Variants in OVOL1 observed in about 807,000 individuals in gnomAD.
OVOL1 encodes putative transcription factor Ovo-like 1.
A neutral mutation model predicts 21.5 loss-of-function variants in OVOL1; 10 were observed. That is an observed-to-expected ratio of 0.46 (90% CI 0.29 to 0.79). OVOL1 has a LOEUF of 0.79. OVOL1 is among the 30% of genes least tolerant of loss of function. The pLI is 0.10. For missense variants in OVOL1, 279 were observed against 362.3 expected, an observed-to-expected ratio of 0.77 and a Z score of 1.87; for synonymous variants, 129 against 150.3, an observed-to-expected ratio of 0.86 and a Z score of 1.03.
Position 65,794,524 on chromosome 11 carries a change from G to A in OVOL1, c.319-14G>A, listed in dbSNP as rs768541844. The A allele has an allele frequency of 1.2e-5, 19 of 1,609,080 alleles. 1 individual carries two copies. The highest frequency in any genetic ancestry group is 4.4e-5 in the South Asian group (4 of 91,032). ...CTTCTGGATGTCTGTCAGCAATGCC[G>A]TCCTCACCCACAGGTGACCCTTGGG... is the stretch of plus-strand genomic sequence containing the variant. On this transcript the variant is annotated splice_polypyrimidine_tract_variant and intron_variant, in intron 2 of 3. Transcript: ENST00000335987.
At position 65,795,635 on chromosome 11, in the gene OVOL1, C is replaced by T; in HGVS notation, c.*294C>T. The T allele has an allele frequency of 2.0e-6, 1 of 499,360 alleles. No individual in the cohort carries two copies. The highest frequency in any genetic ancestry group is 3.6e-6 in the Non-Finnish European group (1 of 274,654). The allele number at this position is 499,360 out of a possible 1,614,324, so 30.9% of individuals were successfully genotyped here. ...GGCTGCCTTCAATTAGAAGCAGCCG[C>T]CCACAGAGACAGGCACTGTGTGCCT... On this transcript the variant is annotated 3_prime_UTR_variant, in exon 4 of 4. Coordinates refer to ENST00000335987, the MANE Select transcript of OVOL1 (RefSeq NM_004561.4). The surrounding 1 kb of genome is among the most constrained non-coding windows in gnomAD (Gnocchi z 5.7).
rs145208288 is a variant in OVOL1, at chr11:65,794,540, G to C, written c.321G>C (p.Val107=). The change falls in exon 3 of 4, where the codon GTG becomes GTC. Residue 107 remains valine (V), a splice_region_variant and synonymous_variant. Coordinates refer to ENST00000335987, the MANE Select transcript of OVOL1 (RefSeq NM_004561.4). ...DHGFLRTKMK[V]TLGDSPSGDL... ...AGCAATGCCGTCCTCACCCACAGGT[G>C]ACCCTTGGGGACAGTCCCAGTGGAG... 1.2e-6 allele frequency: 2 copies of C among 1,612,146 alleles called. No homozygotes were observed. The highest frequency in any genetic ancestry group is 2.7e-5 in the African/African-American group (2 of 75,030).
chr11:65,793,703 G>A (rs1858068861), intron 1 of OVOL1: 1 of 416,148 alleles, frequency 2.4e-6, no homozygotes, highest in African/African-American at 2.0e-5. Flanking sequence ...GAGTGGATGA[G>A]GCCTGGAATT....
intron 2 of OVOL1, 24 bp downstream of exon 2, chr11:65,794,272 G>A (rs761485825): frequency 1.1e-5 from 18 of 1,591,012 alleles, no homozygotes; most frequent in East Asian, 2.2e-5. Context: ...CGCTGTCTCC[G>A]AGGGCCGGGG....
At chr11:65,789,199 C>A in intron 1 of OVOL1, 2 of 438,288 alleles carry the variant, frequency 4.6e-6, no homozygotes, top group Non-Finnish European at 6.1e-6. Context: ...TTTGTCCTAG[C>A]TATTTTCTCT....
chr11:65,787,560 A>G (rs1271363058), intron 1 of OVOL1, 87 bp downstream of exon 1: 2 of 688,592 alleles, frequency 2.9e-6, no homozygotes, highest in Non-Finnish European at 3.8e-6. Flanking sequence ...CCGCGGAGCC[A>G]GGCGGCAGGC....
At chr11:65,793,958 T>C in intron 1 of OVOL1, 73 bp from the exon 2 acceptor site, 1 of 1,239,196 alleles carries the variant, frequency 8.1e-7, no homozygotes, top group Non-Finnish European at 1.2e-6. Context: ...GTCTCATGGC[T>C]AGGGAAGTTT....
At chr11:65,794,789 A>G in intron 3 of OVOL1, 62 bp downstream of exon 3, 1 of 1,528,566 alleles carries the variant, frequency 6.5e-7, no homozygotes, top group East Asian at 2.3e-5. Flanking sequence ...GCCGTGCGGG[A>G]AAAGTCCAGC....
chr11:65,793,340 G>A (rs955089642), intron 1 of OVOL1, among the ~76,000 whole-genome samples: 3 of 152,224 alleles, frequency 2.0e-5, no homozygotes, highest in Non-Finnish European at 2.9e-5. Context: ...CCCGGCGAGC[G>A]GTCCTGCCGA....
Position 65,787,281 on chromosome 11 carries a change from C to T in OVOL1, c.-93C>T. 7 of 1,068,424 alleles carry T rather than the reference C, an allele frequency of 6.6e-6. No homozygotes were observed. The highest frequency in any genetic ancestry group is 9.6e-6 in the Non-Finnish European group (7 of 727,304). 66.2% of individuals were successfully genotyped at this position (1,068,424 alleles called of 1,614,324 possible). On this transcript the variant is annotated 5_prime_UTR_variant, in exon 1 of 4. Coordinates refer to ENST00000335987, the MANE Select transcript of OVOL1 (RefSeq NM_004561.4). The stretch of plus-strand genomic sequence containing the variant: ...TAGCGACTCCTTCCCTGTTGTGCCC[C>T]CGTTCCCGGCGTTCAGCCCGGCCCC...
rs1308151603 is a variant in OVOL1, at chr11:65,787,280, C to T, written c.-94C>T. On this transcript the variant is annotated 5_prime_UTR_variant, in exon 1 of 4. Coordinates refer to ENST00000335987, the MANE Select transcript of OVOL1 (RefSeq NM_004561.4). ...TTAGCGACTCCTTCCCTGTTGTGCC[C>T]CCGTTCCCGGCGTTCAGCCCGGCCC... 9 of 1,061,622 alleles carry T rather than the reference C, an allele frequency of 8.5e-6. No homozygotes were observed. The highest frequency in any genetic ancestry group is 9.7e-6 in the Non-Finnish European group (7 of 721,568). 65.8% of individuals were successfully genotyped at this position (1,061,622 alleles called of 1,614,324 possible).
chr11:65,789,702 T>C (rs1326820048), intron 1 of OVOL1: 1 of 985,256 alleles, frequency 1.0e-6, no homozygotes, highest in Non-Finnish European at 1.2e-6. Context: ...TGGTAAGTTG[T>C]GACCAGCTAA....
chr11:65,791,765 A>G (rs1323830209), intron 1 of OVOL1, among the ~76,000 whole-genome samples: 1 of 152,230 alleles, frequency 6.6e-6, no homozygotes, highest in East Asian at 1.9e-4. Flanking sequence ...TGGCCTTGCC[A>G]TACTCCACAG....
chr11:65,793,814 G>A (rs975814892), intron 1 of OVOL1: 13 of 591,584 alleles, frequency 2.2e-5, no homozygotes, highest in Non-Finnish European at 3.0e-5. Context: ...ATTACTCAGC[G>A]GGCAGTGGCG....
Position 65,795,281 on chromosome 11 carries a change from G to A in OVOL1, c.744G>A (p.Lys248=), listed in dbSNP as rs761873440. 8.7e-6 allele frequency: 14 copies of A among 1,613,158 alleles called. No individual in the cohort carries two copies. Among genetic ancestry groups the A allele is most frequent in the Admixed American group, 3.3e-5 (2 of 59,966 alleles). ...CGCTGCTGCGCAAGACCTCCAAGAA[G>A]GTGGCCGTGGCACTACAGAACACTG... The part of the protein sequence containing the change: ...DSPLLRKTSK[K]VAVALQNTVT... The change falls in exon 4 of 4, where the codon AAG becomes AAA. Residue 248 remains lysine (K), a synonymous_variant. Transcript: ENST00000335987. The surrounding 1 kb of genome is among the most constrained non-coding windows in gnomAD (Gnocchi z 5.7).
chr11:65,795,545 T>C lies in OVOL1; in HGVS notation c.*204T>C. ...CTCTGCTCATTTTTGCATTTTTGACTTATGGGCCGAGGCTGTTCTGAGCCT... is the reference window on the plus strand; with the variant it reads ...CTCTGCTCATTTTTGCATTTTTGACCTATGGGCCGAGGCTGTTCTGAGCCT... On this transcript the variant is annotated 3_prime_UTR_variant, in exon 4 of 4. Coordinates refer to ENST00000335987, the MANE Select transcript of OVOL1 (RefSeq NM_004561.4). This position sits in a 1 kb window ranked among gnomAD's most constrained non-coding sequence, Gnocchi z 5.7. 1.7e-6 allele frequency: 1 copy of C among 602,066 alleles called. No individual in the cohort carries two copies. Among genetic ancestry groups the C allele is most frequent in the Non-Finnish European group, 3.0e-6 (1 of 338,628 alleles). 37.3% of individuals were successfully genotyped at this position (602,066 alleles called of 1,614,324 possible).
In OVOL1 at chr11:65,794,047, C is replaced by T. The variant is rs757928333; in HGVS notation, c.117C>T (p.Cys39=). 6.2e-7 allele frequency: 1 copy of T among 1,613,814 alleles called. No homozygotes were observed. The highest frequency in any genetic ancestry group is 2.2e-5 in the East Asian group (1 of 44,878). ...EIYVPVSLGF[C]PPQPYREPEP... ...TCTCCCCAGTCAGCCTGGGCTTCTG[C>T]CCACCACAGCCCTACCGGGAGCCGG... Residue 39 remains cysteine (C), a synonymous_variant, in exon 2 of 4, where the codon TGC becomes TGT. Transcript: ENST00000335987.
At chr11:65,793,881 G>A (rs1204983834) in intron 1 of OVOL1, 150 bp from the exon 2 acceptor site, 4 of 628,088 alleles carry the variant, frequency 6.4e-6, no homozygotes, top group Non-Finnish European at 8.4e-6. Context: ...TGCAGCAGTG[G>A]TGGTCGGGGC....
Position 65,795,170 on chromosome 11 carries a change from G to C in OVOL1, c.633G>C (p.Lys211Asn). The C allele has an allele frequency of 6.2e-7, 1 of 1,613,102 alleles. No homozygotes were observed. Among genetic ancestry groups the C allele is most frequent in the Non-Finnish European group, 8.5e-7 (1 of 1,180,000 alleles). Residue 211 changes from lysine (K) to asparagine (N), a missense_variant, in exon 4 of 4, where the codon AAG becomes AAC. By Grantham distance (94) the Lys-to-Asn change is moderately conservative (BLOSUM62 0). Transcript: ENST00000335987. The surrounding 1 kb of genome is among the most constrained non-coding windows in gnomAD (Gnocchi z 5.7). ...ACGCGTACAAGGAGCGGCGGGCCAAGCTGTACGTGTGTGAGGAGTGCGGCT... is the reference window on the plus strand; with the variant it reads ...ACGCGTACAAGGAGCGGCGGGCCAACCTGTACGTGTGTGAGGAGTGCGGCT... ...QKYAYKERRAKLYVCEECGCT... is the reference protein window; with the variant it reads ...QKYAYKERRANLYVCEECGCT...
Sources: allele counts gnomAD v4.1 joint callset (sites outside exome capture counted in the v4.1 genomes callset), GRCh38; gene constraint gnomAD v4.1.1; non-coding constraint Gnocchi (gnomAD v3.1); transcripts MANE v1.5; gene names NCBI Gene and HGNC (gene_info 2026-07-23, HGNC 2026-07-21).